Variants in TNRC6A observed in about 807,000 individuals in gnomAD.
TNRC6A encodes trinucleotide repeat containing adaptor 6A.
Under a neutral mutation model 221.2 loss-of-function variants are expected in TNRC6A, and 44 were observed. The observed-to-expected ratio is 0.20, with a 90% CI of 0.16 to 0.26. The LOEUF is 0.26. Ranked by LOEUF, TNRC6A falls within the 10% of genes least tolerant of loss-of-function variation. The pLI, the probability that TNRC6A is intolerant of heterozygous loss-of-function variation, is 1.00. For synonymous variants in TNRC6A, 847 were observed against 838.5 expected (o/e 1.01, Z -0.18); for missense variants, 2,199 against 2,404.4 (o/e 0.91, Z 1.79).
intron 1 of TNRC6A, among the ~76,000 whole-genome samples, chr16:24,624,755 A>T (rs1440951530): frequency 1.3e-5 from 2 of 152,164 alleles, no homozygotes; most frequent in Non-Finnish European, 2.9e-5. Flanking sequence ...AAGTGCTGGG[A>T]TTACAGGCAT....
intron 2 of TNRC6A, among the ~76,000 whole-genome samples, chr16:24,710,810 C>A (rs1264012869): frequency 6.6e-6 from 1 of 151,480 alleles, no homozygotes. Flanking sequence ...CTCCCGAGTT[C>A]AAGTGATTCT....
chr16:24,638,644 C>T (rs957618297), intron 1 of TNRC6A, among the ~76,000 whole-genome samples: 3 of 151,406 alleles, frequency 2.0e-5, no homozygotes, highest in Admixed American at 1.3e-4. Flanking sequence ...ACCCAGGAGG[C>T]GGAGGTTGCA....
intron 2 of TNRC6A, among the ~76,000 whole-genome samples, chr16:24,749,648 G>T (rs909927098): frequency 1.3e-5 from 2 of 152,080 alleles, no homozygotes; most frequent in African/African-American, 4.8e-5. Flanking sequence ...GTTTATTCTT[G>T]GGTGGGGTGG....
At chr16:24,730,216 T>TTTTTG (rs1369706517) in intron 1 of TNRC6A, 37 bp from the exon 2 acceptor site, 3 of 1,484,328 alleles carry the variant, frequency 2.0e-6, no homozygotes, top group Non-Finnish European at 2.7e-6. Context: ...TGTGTGTGTG[T>TTTTTG]TTTTGTTTTG....
At chr16:24,771,586 T>G (rs76046876) in intron 4 of TNRC6A, among the ~76,000 whole-genome samples, 3,992 of 123,126 alleles carry the variant, frequency 0.032, 85 homozygotes, top group Non-Finnish European at 0.045. Flanking sequence ...GTTATGTTGT[T>G]ATGTTATGTT....
intron 2 of TNRC6A, among the ~76,000 whole-genome samples, chr16:24,746,489 C>T (rs143249405): frequency 1.1e-3 from 162 of 152,266 alleles, no homozygotes; most frequent in Middle Eastern, 3.4e-3. Flanking sequence ...ATCTACTCCC[C>T]GCCCCACTTT....
intron 2 of TNRC6A, among the ~76,000 whole-genome samples, chr16:24,654,404 C>G (rs1281378889): frequency 6.6e-6 from 1 of 152,072 alleles, no homozygotes; most frequent in Non-Finnish European, 1.5e-5. Context: ...AGTAATAGTC[C>G]CTATAAGAAT....
intron 2 of TNRC6A, among the ~76,000 whole-genome samples, chr16:24,709,839 A>AAAAAAG (rs2056170421): frequency 6.6e-6 from 1 of 151,860 alleles, no homozygotes; most frequent in Non-Finnish European, 1.5e-5. Flanking sequence ...AAAAAAAAAA[A>AAAAAAG]AAGAAGTTTA....
At chr16:24,621,762 A>C (rs1321799720) in intron 1 of TNRC6A, among the ~76,000 whole-genome samples, 1 of 152,126 alleles carries the variant, frequency 6.6e-6, no homozygotes, top group Non-Finnish European at 1.5e-5. Flanking sequence ...AAAATAGCTT[A>C]ATCACTAAAA....
At chr16:24,727,825 AAT>A (rs772168223), upstream of TNRC6A, among the ~76,000 whole-genome samples, 1 of 152,238 alleles carries the variant, frequency 6.6e-6, no homozygotes, top group Non-Finnish European at 1.5e-5. Context: ...AAGAAAAACA[AAT>A]ATGTGTGTAG....
In TNRC6A at chr16:24,777,118, C is replaced by T; in HGVS notation, c.349C>T (p.Pro117Ser). 1 of 1,598,820 alleles carries T rather than the reference C, an allele frequency of 6.3e-7. No individual in the cohort carries two copies. Among genetic ancestry groups the T allele is most frequent in the Non-Finnish European group, 8.5e-7 (1 of 1,169,972 alleles). Reference sequence around the variant, plus strand: ...GCCACAGCAGCAGCCACAGCCGCAGCCGCAGCAGCAGCAGCCACAGCAGCA... The same window carrying T: ...GCCACAGCAGCAGCCACAGCCGCAGTCGCAGCAGCAGCAGCCACAGCAGCA... ...QQPQQQPQPQ[P>S]QQQQPQQQPQ... Residue 117 changes from proline (P) to serine (S), a missense_variant, in exon 5 of 25, where the codon CCG (proline) becomes TCG (serine). Around this residue, in one of 8 missense-constraint regions of TNRC6A, gnomAD observed 1,405 missense variants for 1,400.2 expected, o/e 1.00. Transcript: ENST00000395799.
intron 2 of TNRC6A, among the ~76,000 whole-genome samples, chr16:24,673,133 A>G (rs1408273880): frequency 6.6e-6 from 1 of 152,132 alleles, no homozygotes; most frequent in Non-Finnish European, 1.5e-5. Context: ...CGAGGCCAGG[A>G]GTTTGAGACC....
At chr16:24,767,997 TA>T (rs2057509416) in intron 4 of TNRC6A, among the ~76,000 whole-genome samples, 1 of 152,212 alleles carries the variant, frequency 6.6e-6, no homozygotes, top group Non-Finnish European at 1.5e-5. Flanking sequence ...TTTTTAAATA[TA>T]TGGATTCTGA....
intron 2 of TNRC6A, among the ~76,000 whole-genome samples, chr16:24,643,871 T>C (rs1902128180): frequency 6.6e-6 from 1 of 152,160 alleles, no homozygotes; most frequent in Non-Finnish European, 1.5e-5. Context: ...AAGGATCTAA[T>C]TGCTCAGCTT....
At chr16:24,710,225 C>CAAAA (rs57375431) in intron 2 of TNRC6A, among the ~76,000 whole-genome samples, 11 of 129,496 alleles carry the variant, frequency 8.5e-5, no homozygotes, top group African/African-American at 2.7e-4. Context: ...AACTTCATCT[C>CAAAA]AAAAAAAAAA....
chr16:24,666,683 A>G (rs1340264535), intron 2 of TNRC6A, among the ~76,000 whole-genome samples: 1 of 139,428 alleles, frequency 7.2e-6, no homozygotes, highest in Non-Finnish European at 1.5e-5. Flanking sequence ...ATATATATAT[A>G]TATATACATA....
chr16:24,804,427 C>T (rs1322722155), intron 12 of TNRC6A, 108 bp downstream of exon 12: 8 of 1,305,006 alleles, frequency 6.1e-6, no homozygotes, highest in African/African-American at 4.6e-5. Flanking sequence ...TGTTACAATC[C>T]ACTACCAAAT....
At chr16:24,755,593 C>T (rs2057234007) in intron 3 of TNRC6A, among the ~76,000 whole-genome samples, 1 of 152,230 alleles carries the variant, frequency 6.6e-6, no homozygotes, top group Non-Finnish European at 1.5e-5. Context: ...ACCATGGTCA[C>T]ACAGTGTAAG....
intron 19 of TNRC6A, chr16:24,815,577 T>A: frequency 2.5e-6 from 1 of 406,526 alleles, no homozygotes; most frequent in Non-Finnish European, 4.6e-6. Context: ...AACTTTAGGC[T>A]GGGCGCAGTG....
Sources: gnomAD v4.1 joint callset for allele counts (sites outside exome capture counted in the v4.1 genomes callset) on GRCh38, gnomAD v4.1.1 for gene constraint, gnomAD v4.1.1 regional missense constraint, MANE v1.5 for transcripts, NCBI Gene and HGNC (gene_info 2026-07-23, HGNC 2026-07-21) for gene names.